The following INSR variants were observed in gnomAD, a reference collection of about 807,000 sequenced individuals.
INSR encodes IR.
A neutral mutation model predicts 142.6 loss-of-function variants in INSR; 67 were observed. The observed-to-expected ratio is 0.47, with a 90% CI of 0.39 to 0.58. INSR has a LOEUF of 0.58. Among genes scored for constraint, INSR ranks in the 20% least tolerant of loss-of-function variants. The pLI is 0.00. For missense variants in INSR, 1,248 were observed against 1,833.2 expected (o/e 0.68, Z 5.83); for synonymous variants, 756 against 743.1 (o/e 1.02, Z -0.28).
At chr19:7,210,928 C>A (rs1408117362) in intron 2 of INSR, among the ~76,000 whole-genome samples, 1 of 152,080 alleles carries the variant, frequency 6.6e-6, no homozygotes, top group African/African-American at 2.4e-5. Context: ...CAGGGTTTCA[C>A]CATGTTGGCG....
chr19:7,125,652 C>T lies in INSR; in HGVS notation c.3014-125G>A, dbSNP rs1599874671. On this transcript the variant is annotated intron_variant, in intron 16 of 21. Transcript: ENST00000302850. The surrounding 1 kb of genome is among the most constrained non-coding windows in gnomAD (Gnocchi z 4.9). The stretch of plus-strand genomic sequence containing the variant: ...ATGAAATGAGTTCTGTGATCCAGGA[C>T]CCATGCCGGGCACTGGGCATATGGC... 2 of 1,321,144 alleles carry T rather than the reference C, an allele frequency of 1.5e-6. No homozygotes were observed. The highest frequency in any genetic ancestry group is 4.7e-5 in the East Asian group (2 of 42,304). The allele number at this position is 1,321,144 out of a possible 1,614,324, so 81.8% of individuals were successfully genotyped here.
chr19:7,175,285 G>A (rs1270760804), intron 3 of INSR, among the ~76,000 whole-genome samples: 2 of 152,156 alleles, frequency 1.3e-5, no homozygotes, highest in African/African-American at 2.4e-5. Context: ...AGGCCAAGGA[G>A]GGAGGGTTGC....
At chr19:7,293,729 G>A in intron 1 of INSR, 63 bp downstream of exon 1, 1 of 1,251,584 alleles carries the variant, frequency 8.0e-7, no homozygotes, top group Non-Finnish European at 1.0e-6. Context: ...CTCGATTTTG[G>A]CTTGGGTGGG....
At chr19:7,237,305 T>C (rs1034704657) in intron 2 of INSR, among the ~76,000 whole-genome samples, 2 of 151,374 alleles carry the variant, frequency 1.3e-5, no homozygotes, top group Non-Finnish European at 1.5e-5. Flanking sequence ...GATCACGAGG[T>C]CAGGAGTTCC....
intron 11 of INSR, among the ~76,000 whole-genome samples, chr19:7,147,151 G>A (rs553331990): frequency 3.3e-5 from 5 of 151,964 alleles, no homozygotes; most frequent in South Asian, 2.1e-4. Flanking sequence ...GCTTTGGCCC[G>A]ATAGATATGT....
At chr19:7,188,997 AT>A (rs984959918) in intron 2 of INSR, among the ~76,000 whole-genome samples, 13 of 152,074 alleles carry the variant, frequency 8.5e-5, no homozygotes, top group Non-Finnish European at 4.4e-5. Context: ...TGATAGAGAC[AT>A]TTTTAGGCTT....
intron 2 of INSR, among the ~76,000 whole-genome samples, chr19:7,202,996 G>GTTT (rs371572449): frequency 0.13 from 8,706 of 66,300 alleles, 324 homozygotes; most frequent in South Asian, 0.24. Context: ...GGGTTTTGTT[G>GTTT]TTTTTTTTTT....
In INSR at chr19:7,184,663, G is replaced by GAAAT. The variant is rs57380348; in HGVS notation, c.653-30_653-27dup. The GAAAT allele has an allele frequency of 0.075, 71,741 of 957,870 alleles. 3,850 individuals are homozygous for GAAAT. Among genetic ancestry groups the GAAAT allele is most frequent in the East Asian group, 0.13 (4,275 of 32,792 alleles). The allele number at this position is 957,870 out of a possible 1,614,324, so 59.3% of individuals were successfully genotyped here. On this transcript the variant is annotated intron_variant, in intron 2 of 21. Coordinates refer to ENST00000302850, the MANE Select transcript of INSR (RefSeq NM_000208.4). ...CTGGAGAGAGAGAGAGAGAGAGAGG[G>GAAAT]AAATAAATAAATAAATAAATAAATA...
rs1972327047 is a variant in INSR at position 7,116,446 on chromosome 19, A to G, written c.*610T>C. On this transcript the variant is annotated 3_prime_UTR_variant, in exon 22 of 22. Coordinates refer to ENST00000302850, the MANE Select transcript of INSR (RefSeq NM_000208.4). ...CATACACACGTGAGCACACGCCGGG[A>G]CCACAGACCCTTATCCAAAATATGA... is the stretch of plus-strand genomic sequence containing the variant. 1.3e-5 allele frequency: 2 copies of G among 152,384 alleles called. No homozygotes were observed. Among genetic ancestry groups the G allele is most frequent in the South Asian group, 4.1e-4 (2 of 4,834 alleles). 9.4% of individuals were successfully genotyped at this position (152,384 alleles called of 1,614,324 possible). A position where few individuals can be genotyped will look rare whatever the true frequency, so the allele number is the denominator to read the frequency against.
rs1178559711 is a variant in INSR at position 7,192,397 on chromosome 19, G to A, written c.653-7760C>T. ...GCAGCTTCTTCTGGTGAGAGAGACC[G>A]CAAAGTGAAGACATTATGAAAGCCA... On this transcript the variant is annotated intron_variant, in intron 2 of 21. Transcript: ENST00000302850. The surrounding 1 kb of genome is among the most constrained non-coding windows in gnomAD (Gnocchi z 4.2). 6.6e-6 allele frequency among the ~76,000 whole-genome samples: 1 copy of A among 152,094 alleles called. No homozygotes were observed. Among genetic ancestry groups the A allele is most frequent in the Non-Finnish European group, 1.5e-5 (1 of 68,032 alleles).
At chr19:7,134,354 C>G (rs1446086343) in intron 13 of INSR, among the ~76,000 whole-genome samples, 1 of 152,196 alleles carries the variant, frequency 6.6e-6, no homozygotes, top group East Asian at 1.9e-4. Context: ...CCCTGCAACT[C>G]CCAGCCTCTG....
At chr19:7,280,938 G>T (rs1394980150) in intron 1 of INSR, among the ~76,000 whole-genome samples, 1 of 151,994 alleles carries the variant, frequency 6.6e-6, no homozygotes. Context: ...GCTCCAGGGG[G>T]CACAGTATGA....
At chr19:7,165,711 A>G (rs1328530461) in intron 8 of INSR, among the ~76,000 whole-genome samples, 1 of 151,844 alleles carries the variant, frequency 6.6e-6, no homozygotes. Flanking sequence ...AGAAATACAA[A>G]AATTAGCTGG....
At chr19:7,180,309 C>G (rs922689212) in intron 3 of INSR, among the ~76,000 whole-genome samples, 5 of 151,980 alleles carry the variant, frequency 3.3e-5, no homozygotes, top group African/African-American at 4.8e-5. Context: ...GTGGGAGGAT[C>G]ACTTAAACCC....
At position 7,184,321 on chromosome 19, in the gene INSR, G is replaced by A. The variant is rs769880980; in HGVS notation, c.969C>T (p.Ser323=). 5 of 1,613,598 alleles carry A rather than the reference G, an allele frequency of 3.1e-6. No homozygotes were observed. In the Admixed American group the frequency reaches 6.7e-5, roughly 22 times the overall value. ...GACCCACATCCAGAACTCACTTGCT[G>A]GAATTCATCGTGTACCCGGAGGGAC... The part of the protein sequence containing the change: ...PECPSGYTMN[S]SNLLCTPCLG... Residue 323 remains serine, a synonymous_variant, in exon 3 of 22, where the codon TCC becomes TCT. Coordinates refer to ENST00000302850, the MANE Select transcript of INSR (RefSeq NM_000208.4).
chr19:7,172,270 A>G lies in INSR; in HGVS notation c.1268+20T>C. 6.2e-7 allele frequency: 1 copy of G among 1,613,626 alleles called. No homozygotes were observed. The highest frequency in any genetic ancestry group is 8.5e-7 in the Non-Finnish European group (1 of 1,179,672). On this transcript the variant is annotated intron_variant, in intron 5 of 21. Transcript: ENST00000302850. Reference sequence around the variant, plus strand: ...TTCCTAGTTAGCACTCAGGCCATACACACAATCAGGCCCACGTACCCAATT... The same window carrying G: ...TTCCTAGTTAGCACTCAGGCCATACGCACAATCAGGCCCACGTACCCAATT...
chr19:7,136,991 C>G (rs1408126293), intron 13 of INSR, among the ~76,000 whole-genome samples: 2 of 151,676 alleles, frequency 1.3e-5, no homozygotes, highest in African/African-American at 2.4e-5. Flanking sequence ...CACCACCACG[C>G]CCGGCTAATT....
At chr19:7,208,013 A>G (rs753996307) in intron 2 of INSR, among the ~76,000 whole-genome samples, 11 of 152,028 alleles carry the variant, frequency 7.2e-5, no homozygotes, top group Non-Finnish European at 1.6e-4. Flanking sequence ...TTGGGCATGG[A>G]AAGGGATTTG....
intron 2 of INSR, among the ~76,000 whole-genome samples, chr19:7,197,561 GGAGTGTGTGTGTTT>G (rs1974795997): frequency 1.2e-5 from 1 of 84,710 alleles, no homozygotes; most frequent in African/African-American, 5.1e-5. Flanking sequence ...TTCCAGAGTG[GGAGTGTGTGTGTTT>G]GGGTGTGTGT....
Sources: gnomAD v4.1 joint callset for allele counts (sites outside exome capture counted in the v4.1 genomes callset) on GRCh38, gnomAD v4.1.1 for gene constraint, Gnocchi (gnomAD v3.1) non-coding constraint, MANE v1.5 for transcripts, NCBI Gene and HGNC (gene_info 2026-07-23, HGNC 2026-07-21) for gene names.